CTNND2: variants seen among roughly 807,000 people sequenced by gnomAD.
CTNND2 encodes catenin delta-2.
A neutral mutation model predicts 144.4 loss-of-function variants in CTNND2; 22 were observed. The ratio of observed to expected loss-of-function variants is 0.15; its 90% CI spans 0.11 to 0.22. CTNND2 has a LOEUF of 0.22. Among genes scored for constraint, CTNND2 ranks in the 10% least tolerant of loss-of-function variants. CTNND2 has a pLI of 1.00. For missense variants in CTNND2, 1,353 were observed against 1,618.8 expected (o/e 0.84, Z 2.82); for synonymous variants, 751 against 695.6 (o/e 1.08, Z -1.25).
At chr5:11,501,866 A>C (rs1205019996) in intron 3 of CTNND2, among the ~76,000 whole-genome samples, 3 of 151,770 alleles carry the variant, frequency 2.0e-5, no homozygotes, top group Admixed American at 6.6e-5. Flanking sequence ...GTCTCTACTA[A>C]AAATCCAAAA....
intron 3 of CTNND2, among the ~76,000 whole-genome samples, chr5:11,469,407 G>C (rs1338061939): frequency 1.3e-5 from 2 of 152,206 alleles, no homozygotes; most frequent in South Asian, 2.1e-4. Context: ...CGATATGCAA[G>C]AGAGTACACG....
intron 1 of CTNND2, among the ~76,000 whole-genome samples, chr5:11,877,072 C>A (rs1228028575): frequency 6.6e-6 from 1 of 152,026 alleles, no homozygotes; most frequent in Non-Finnish European, 1.5e-5. Flanking sequence ...AGCAGATATT[C>A]TTTTATTTTT....
chr5:11,602,792 ATAATATATAT>A (rs1482878580), intron 2 of CTNND2, among the ~76,000 whole-genome samples: 1 of 146,202 alleles, frequency 6.8e-6, no homozygotes, highest in Non-Finnish European at 1.5e-5. Context: ...AGATATAAAT[ATAATATATAT>A]TAATATATAT....
intron 1 of CTNND2, among the ~76,000 whole-genome samples, chr5:11,751,445 A>T (rs2126786208): frequency 6.6e-6 from 1 of 151,726 alleles, no homozygotes; most frequent in African/African-American, 2.4e-5. Flanking sequence ...GTCCACATGT[A>T]CTCAATATTT....
At chr5:11,647,426 C>A (rs1466816352) in intron 2 of CTNND2, among the ~76,000 whole-genome samples, 3 of 152,038 alleles carry the variant, frequency 2.0e-5, no homozygotes, top group Non-Finnish European at 4.4e-5. Flanking sequence ...TTCCCCACAG[C>A]ATTTCTTATT....
At chr5:11,181,774 G>GTGTGTGTGTGTGTA (rs1735008652) in intron 11 of CTNND2, among the ~76,000 whole-genome samples, 4 of 139,742 alleles carry the variant, frequency 2.9e-5, no homozygotes, top group Admixed American at 2.1e-4. Context: ...GTGTGTGTGT[G>GTGTGTGTGTGTGTA]TCTGTGTGTG....
Position 11,642,068 on chromosome 5 carries a change from C to T in CTNND2, c.175-77012G>A, listed in dbSNP as rs962881823. 2.6e-5 allele frequency among the ~76,000 whole-genome samples: 4 copies of T among 151,948 alleles called. No individual in the cohort carries two copies. In the South Asian group the frequency reaches 6.2e-4, roughly 24 times the overall value. On this transcript the variant is annotated intron_variant, in intron 2 of 21. Transcript: ENST00000304623. ...GCATGAGCTTGGCAGGTAAAAATAG[C>T]AACATTGTTTCTTAAAAGTGAAAAA...
intron 3 of CTNND2, among the ~76,000 whole-genome samples, chr5:11,550,204 C>A (rs892702664): frequency 6.6e-6 from 1 of 152,168 alleles, no homozygotes; most frequent in Non-Finnish European, 1.5e-5. Flanking sequence ...GTATACTTTC[C>A]AATTACACAT....
rs1780307548 is a variant in CTNND2, at chr5:11,611,227, T to C, written c.175-46171A>G. On this transcript the variant is annotated intron_variant, in intron 2 of 21. Transcript: ENST00000304623. The stretch of plus-strand genomic sequence containing the variant: ...TGTTTGCTTCCCCTTCTGCCATGAC[T>C]GTAAGTTTCCGGAGGCCTCGTAGCC... Among the ~76,000 whole-genome samples the C allele has an allele frequency of 2.6e-5, 4 of 152,316 alleles. No homozygotes were observed. The South Asian group carries it at 8.3e-4, about 32-fold the overall frequency.
intron 3 of CTNND2, among the ~76,000 whole-genome samples, chr5:11,561,880 T>C (rs186880416): frequency 2.5e-4 from 38 of 152,080 alleles, no homozygotes; most frequent in Non-Finnish European, 4.4e-4. Flanking sequence ...TGTCTCTACC[T>C]AAAATATTTT....
intron 1 of CTNND2, among the ~76,000 whole-genome samples, chr5:11,754,282 C>A (rs947830198): frequency 6.6e-6 from 1 of 151,382 alleles, no homozygotes; most frequent in Non-Finnish European, 1.5e-5. Flanking sequence ...AATTTGAGAT[C>A]TTTCTAACTT....
chr5:11,022,217 A>T (rs567022316), intron 17 of CTNND2, among the ~76,000 whole-genome samples: 12 of 152,288 alleles, frequency 7.9e-5, no homozygotes, highest in African/African-American at 2.6e-4. Flanking sequence ...ATATTGTGAC[A>T]GCCTCTCCCT....
At chr5:11,310,413 C>G (rs1750674234) in intron 9 of CTNND2, among the ~76,000 whole-genome samples, 1 of 151,996 alleles carries the variant, frequency 6.6e-6, no homozygotes, top group Admixed American at 6.5e-5. Context: ...GCCTTCATCA[C>G]TTCTATTTAT....
chr5:11,321,926 T>G (rs1426039636), intron 9 of CTNND2, among the ~76,000 whole-genome samples: 1 of 152,010 alleles, frequency 6.6e-6, no homozygotes, highest in Non-Finnish European at 1.5e-5. Context: ...CCAAGCACAA[T>G]GAATACATCT....
At chr5:11,378,782 C>A (rs891781433) in intron 7 of CTNND2, among the ~76,000 whole-genome samples, 3 of 151,816 alleles carry the variant, frequency 2.0e-5, no homozygotes, top group Non-Finnish European at 4.4e-5. Flanking sequence ...TAGGACTAGA[C>A]TCTTTTTTTT....
chr5:11,286,291 C>T (rs1456173807), intron 9 of CTNND2, among the ~76,000 whole-genome samples: 1 of 151,936 alleles, frequency 6.6e-6, no homozygotes, highest in African/African-American at 2.4e-5. Context: ...AATCTAGATA[C>T]CATCAATAAT....
chr5:11,697,687 G>A lies in CTNND2; in HGVS notation c.174+34449C>T, dbSNP rs1019186636. ...CTTGACATATGACAACTTTAAAGCT[G>A]TGGCTTGGGTTTTAACCCCAGCAGT... On this transcript the variant is annotated intron_variant, in intron 2 of 21. Transcript: ENST00000304623. Among the ~76,000 whole-genome samples, 9 of 152,160 alleles carry A rather than the reference G, an allele frequency of 5.9e-5. No homozygotes were observed. In the East Asian group the frequency reaches 7.7e-4, roughly 13 times the overall value.
intron 9 of CTNND2, among the ~76,000 whole-genome samples, chr5:11,312,001 A>C (rs770640406): frequency 2.4e-4 from 28 of 114,500 alleles, no homozygotes; most frequent in African/African-American, 3.0e-4. Flanking sequence ...TATGCACCCC[A>C]CACACACACT....
At chr5:10,975,418 A>G (rs1736336216) in intron 21 of CTNND2, among the ~76,000 whole-genome samples, 1 of 152,164 alleles carries the variant, frequency 6.6e-6, no homozygotes, top group South Asian at 2.1e-4. Context: ...CTACATCAAT[A>G]TCTATAATCT....
Sources: allele counts gnomAD v4.1 joint callset (sites outside exome capture counted in the v4.1 genomes callset), GRCh38; gene constraint gnomAD v4.1.1; transcripts MANE v1.5; gene names NCBI Gene and HGNC (gene_info 2026-07-23, HGNC 2026-07-21).